The following PDE1A variants were observed in gnomAD, a reference collection of about 807,000 sequenced individuals.
PDE1A encodes dual specificity calcium/calmodulin-dependent 3',5'-cyclic nucleotide phosphodiesterase 1A.
In PDE1A, 35 loss-of-function variants were observed where a neutral mutation model predicts 61.7. The observed-to-expected ratio is 0.57, with a 90% confidence interval of 0.43 to 0.75. The LOEUF is 0.75. Ranked by LOEUF, PDE1A falls within the 30% of genes least tolerant of loss-of-function variation. The pLI, the probability that PDE1A is intolerant of heterozygous loss-of-function variation, is 0.00. For missense variants in PDE1A, 597 were observed against 630.6 expected (o/e 0.95, Z 0.57); for synonymous variants, 232 against 213.2 (o/e 1.09, Z -0.77).
At chr2:182,337,188 CTCAAAGGTAGGGAAAGGAT>C (rs1470347424) in intron 1 of PDE1A, among the ~76,000 whole-genome samples, 1 of 151,832 alleles carries the variant, frequency 6.6e-6, no homozygotes. Context: ...AGTGCACAAC[CTCAAAGGTAGGGAAAGGAT>C]TTGAACAGAA....
intron 1 of PDE1A, among the ~76,000 whole-genome samples, chr2:182,363,470 C>T (rs931582037): frequency 6.7e-6 from 1 of 150,276 alleles, no homozygotes; most frequent in African/African-American, 2.4e-5. Flanking sequence ...ACTTTAAGTA[C>T]GATAGCCAGA....
At chr2:182,544,335 G>A in the PDE1A span, among the ~76,000 whole-genome samples, 1 of 152,246 alleles carries the variant, frequency 6.6e-6, no homozygotes, top group East Asian at 1.9e-4. Flanking sequence ...CAGCTGTCTG[G>A]TTTCCCTCCT....
intron 2 of PDE1A, chr2:182,242,028 C>A: frequency 3.7e-6 from 5 of 1,358,168 alleles, no homozygotes; most frequent in Non-Finnish European, 3.8e-6. Context: ...TGATCAGATA[C>A]AGTGTAGGTA....
chr2:182,202,345 A>T (rs1313217094), intron 8 of PDE1A, among the ~76,000 whole-genome samples: 2 of 152,188 alleles, frequency 1.3e-5, no homozygotes, highest in African/African-American at 4.8e-5. Flanking sequence ...CTATTAATAA[A>T]ACCAGTGCTA....
the PDE1A span, among the ~76,000 whole-genome samples, chr2:182,598,035 G>T: frequency 0.28 from 42,810 of 152,064 alleles, 6,317 homozygotes; most frequent in Non-Finnish European, 0.33. Flanking sequence ...AGCCTACTGG[G>T]TCACCAATGC....
intron 1 of PDE1A, among the ~76,000 whole-genome samples, chr2:182,371,214 A>G (rs918458059): frequency 2.6e-5 from 4 of 152,234 alleles, no homozygotes; most frequent in African/African-American, 9.6e-5. Context: ...ATAAACATTT[A>G]TTAAATATAG....
chr2:182,713,498 G>C, the PDE1A span, among the ~76,000 whole-genome samples: 1 of 152,166 alleles, frequency 6.6e-6, no homozygotes, highest in Non-Finnish European at 1.5e-5. Flanking sequence ...AGGTGTGGTG[G>C]CATGTGCCTG....
the PDE1A span, among the ~76,000 whole-genome samples, chr2:182,688,396 T>A: frequency 2.6e-5 from 4 of 152,096 alleles, no homozygotes; most frequent in African/African-American, 9.7e-5. Context: ...AGAAAACAAT[T>A]TTCAACCCAG....
At chr2:182,229,672 A>G (rs1332665974) in intron 6 of PDE1A, among the ~76,000 whole-genome samples, 2 of 152,268 alleles carry the variant, frequency 1.3e-5, no homozygotes, top group South Asian at 2.1e-4. Flanking sequence ...AAAGAGTGCT[A>G]TAACTTTCTT....
At chr2:182,185,935 G>C in exon 13 of PDE1A, 1 of 1,614,024 alleles carries the variant, frequency 6.2e-7, no homozygotes, top group Non-Finnish European at 8.5e-7. Flanking sequence ...TCTGCTGAAT[G>C]ATGTCCACCA....
chr2:182,544,484 A>G, the PDE1A span, among the ~76,000 whole-genome samples: 1 of 152,200 alleles, frequency 6.6e-6, no homozygotes, highest in Non-Finnish European at 1.5e-5. Context: ...AAATATTCAT[A>G]AAAACATGGG....
chr2:182,715,358 G>A, the PDE1A span, among the ~76,000 whole-genome samples: 1 of 152,162 alleles, frequency 6.6e-6, no homozygotes, highest in East Asian at 1.9e-4. Flanking sequence ...TGCTTCTAAT[G>A]TTTGCCTTTG....
the PDE1A span, among the ~76,000 whole-genome samples, chr2:182,666,254 A>C: frequency 6.6e-6 from 1 of 152,194 alleles, no homozygotes; most frequent in Admixed American, 6.5e-5. Flanking sequence ...CAAAAAATGT[A>C]CATGCTTAAA....
intron 7 of PDE1A, among the ~76,000 whole-genome samples, chr2:182,213,476 G>A (rs1271519242): frequency 1.1e-4 from 9 of 78,630 alleles, no homozygotes; most frequent in Non-Finnish European, 2.1e-4. Context: ...TCTGAGCTAC[G>A]GGAGGACATT....
chr2:182,366,142 C>T (rs888799460), intron 1 of PDE1A, among the ~76,000 whole-genome samples: 5 of 152,100 alleles, frequency 3.3e-5, no homozygotes, highest in Admixed American at 2.6e-4. Context: ...CTTCTAGAGT[C>T]ATTTTAAAAA....
At chr2:182,461,592 C>T (rs1012908483) in intron 2 of PDE1A, among the ~76,000 whole-genome samples, 1 of 152,152 alleles carries the variant, frequency 6.6e-6, no homozygotes, top group Non-Finnish European at 1.5e-5. Context: ...TGATGGAGTG[C>T]ACAATCTAAC....
At position 182,280,138 on chromosome 2, in the gene PDE1A, G is replaced by GT. The variant is rs1693705706; in HGVS notation, c.54-15725_54-15724insA. ...TGAAGATTACATTTCCATGCCTTTG[G>GT]GTTTTTTTTATTACCCAAAGTAATG... On this transcript the variant is annotated intron_variant, in intron 1 of 13. Coordinates refer to ENST00000351439, the Ensembl canonical transcript of PDE1A. Among the ~76,000 whole-genome samples the GT allele has an allele frequency of 3.3e-5, 5 of 149,792 alleles. No individual in the cohort carries two copies. The Admixed American group carries it at 3.4e-4, about 10-fold the overall frequency.
intron 1 of PDE1A, among the ~76,000 whole-genome samples, chr2:182,368,367 G>T (rs1574469424): frequency 9.4e-6 from 1 of 106,212 alleles, no homozygotes. Context: ...CATTGCATTT[G>T]ATTGATAAGT....
chr2:182,425,921 G>A (rs1335258175), intron 1 of PDE1A, among the ~76,000 whole-genome samples: 1 of 152,076 alleles, frequency 6.6e-6, no homozygotes, highest in Non-Finnish European at 1.5e-5. Flanking sequence ...GGTAACTAAA[G>A]AATCCAGAAT....
Sources: gnomAD v4.1 joint callset for allele counts (sites outside exome capture counted in the v4.1 genomes callset) on GRCh38, gnomAD v4.1.1 for gene constraint, MANE v1.5 for transcripts, NCBI Gene and HGNC (gene_info 2026-07-23, HGNC 2026-07-21) for gene names.